Variants in GATA4 observed in about 807,000 individuals in gnomAD.
GATA4 encodes the protein GATA binding protein 4.
GATA4 carries 7 observed loss-of-function variants against 37.9 expected under a neutral mutation model. That is an observed-to-expected ratio of 0.18 (90% confidence interval 0.11 to 0.35). GATA4 has a LOEUF of 0.35. Among genes scored for constraint, GATA4 ranks in the 10% least tolerant of loss-of-function variants. The pLI, the probability that GATA4 is intolerant of heterozygous loss-of-function variation, is 1.00. For synonymous variants in GATA4, 372 were observed against 292.6 expected, an observed-to-expected ratio of 1.27 and a Z score of -2.77; for missense variants, 647 against 653.0, an observed-to-expected ratio of 0.99 and a Z score of 0.10.
chr8:11,743,014 C>G (rs1182250987), intron 2 of GATA4, among the ~76,000 whole-genome samples: 1 of 152,234 alleles, frequency 6.6e-6, no homozygotes, highest in Admixed American at 6.5e-5. Context: ...TGTGTTGTAT[C>G]TCCTTGGCCC....
chr8:11,697,752 C>T (rs1469027610), intron 1 of GATA4: 30 of 985,278 alleles, frequency 3.0e-5, no homozygotes, highest in Non-Finnish European at 3.4e-5. Flanking sequence ...CGCCAGGTCG[C>T]GGCGCCTGCC....
intron 1 of GATA4, chr8:11,694,394 C>G (rs1323072016): frequency 1.4e-6 from 1 of 726,498 alleles, no homozygotes; most frequent in African/African-American, 1.9e-5. Flanking sequence ...AGGCCTTCCT[C>G]TGTAAGGTCA....
At position 11,709,322 on chromosome 8, in the gene GATA4, G is replaced by A. The variant is rs1585598152; in HGVS notation, c.616+394G>A. Among the ~76,000 whole-genome samples, 1 of 152,342 alleles carries A rather than the reference G, an allele frequency of 6.6e-6. No individual in the cohort carries two copies. Among genetic ancestry groups the A allele is most frequent in the Non-Finnish European group, 1.5e-5 (1 of 68,022 alleles). On this transcript the variant is annotated intron_variant, in intron 2 of 6. Transcript: ENST00000532059. This position sits in a 1 kb window ranked among gnomAD's most constrained non-coding sequence, Gnocchi z 4.3. ...GTGCTGGAGATTGCTGAGTTTCTGC[G>A]CCCCTTTCCTCCCCGCCCGCCCTCG...
At chr8:11,701,244 GAAAAA>G (rs56051265), upstream of GATA4, among the ~76,000 whole-genome samples, 118 of 126,388 alleles carry the variant, frequency 9.3e-4, no homozygotes, top group South Asian at 1.5e-3. Flanking sequence ...CAGGTTCTTA[GAAAAA>G]AAAAAAAAAA....
intron 1 of GATA4, among the ~76,000 whole-genome samples, chr8:11,695,416 A>T (rs1004257169): frequency 1.9e-4 from 29 of 152,132 alleles, no homozygotes; most frequent in African/African-American, 6.8e-4. Context: ...CAAAAAAAAA[A>T]TAAATAAAAT....
chr8:11,706,108 A>G (rs1379025094), intron 1 of GATA4: 1 of 152,222 alleles, frequency 6.6e-6, no homozygotes, highest in Admixed American at 6.5e-5. Flanking sequence ...AAAAAAATCT[A>G]TTCTCTAACC....
In GATA4 at chr8:11,708,257, G is replaced by T. The variant is rs984256001; in HGVS notation, c.-56G>T. The T allele has an allele frequency of 3.9e-6, 6 of 1,541,654 alleles. No individual in the cohort carries two copies. The African/African-American group carries it at 8.1e-5, about 21-fold the overall frequency. ...TGCCGTCGTTTTCTCTCCCCGCGTG[G>T]CTCCTTGACCTGCGAGGGAGAGAGA... On this transcript the variant is annotated 5_prime_UTR_variant, in exon 2 of 7. Transcript: ENST00000532059. This position sits in a 1 kb window ranked among gnomAD's most constrained non-coding sequence, Gnocchi z 6.7.
At chr8:11,677,613 C>A (rs1241422884) in intron 1 of GATA4, among the ~76,000 whole-genome samples, 1 of 152,218 alleles carries the variant, frequency 6.6e-6, no homozygotes, top group African/African-American at 2.4e-5. Flanking sequence ...ATGTCAGACC[C>A]AGCCCACTTT....
intron 1 of GATA4, among the ~76,000 whole-genome samples, chr8:11,704,721 G>A (rs560099394): frequency 5.9e-5 from 9 of 152,382 alleles, no homozygotes; most frequent in African/African-American, 2.2e-4. Context: ...GTAGACGGAG[G>A]CTTGTCGCCC....
chr8:11,743,298 A>G (rs890084895), intron 2 of GATA4, among the ~76,000 whole-genome samples: 3 of 152,280 alleles, frequency 2.0e-5, no homozygotes, highest in Non-Finnish European at 2.9e-5. Context: ...GCACTTGGAC[A>G]GGGGCGCGTA....
intron 2 of GATA4, among the ~76,000 whole-genome samples, chr8:11,747,145 C>G (rs1000312771): frequency 6.6e-6 from 1 of 152,244 alleles, no homozygotes; most frequent in African/African-American, 2.4e-5. Flanking sequence ...AAAATCTGCC[C>G]TTGCCTCTGG....
At chr8:11,680,231 G>A (rs557601708) in intron 1 of GATA4, among the ~76,000 whole-genome samples, 19 of 152,336 alleles carry the variant, frequency 1.2e-4, no homozygotes, top group African/African-American at 4.1e-4. Flanking sequence ...TCAATCTTTG[G>A]TGCAAAGCCT....
chr8:11,756,741 G>C (rs1802587067), intron 5 of GATA4, 194 bp from the exon 6 acceptor site: 3 of 696,364 alleles, frequency 4.3e-6, no homozygotes, highest in East Asian at 5.3e-5. Flanking sequence ...GGCCTCAAGG[G>C]TTTGAGATGA....
intron 2 of GATA4, among the ~76,000 whole-genome samples, chr8:11,725,522 T>C (rs1208865143): frequency 6.6e-6 from 1 of 152,210 alleles, no homozygotes. Context: ...TTTTGCCTGG[T>C]TTCCTGTTGG....
intron 1 of GATA4, among the ~76,000 whole-genome samples, chr8:11,696,027 C>T (rs1799498702): frequency 6.6e-6 from 1 of 152,224 alleles, no homozygotes; most frequent in Non-Finnish European, 1.5e-5. Context: ...TGTGGACTCG[C>T]ACTAAAGACA....
In GATA4 at chr8:11,748,907, C is replaced by A. The variant is rs1585684564; in HGVS notation, c.617-9C>A. On this transcript the variant is annotated splice_polypyrimidine_tract_variant and intron_variant, in intron 2 of 6. Transcript: ENST00000532059. The stretch of plus-strand genomic sequence containing the variant: ...CTGTGTCTTTTCTTGTCTGTTCCCC[C>A]CAACTCAGTAGATATGTTTGACGAC... 6.2e-7 allele frequency: 1 copy of A among 1,614,218 alleles called. No homozygotes were observed.
chr8:11,683,505 G>A (rs1799044071), intron 1 of GATA4, among the ~76,000 whole-genome samples: 1 of 152,122 alleles, frequency 6.6e-6, no homozygotes, highest in Admixed American at 6.5e-5. Flanking sequence ...GGCGCGGTTC[G>A]ATTCCAACTT....
At position 11,711,760 on chromosome 8, in the gene GATA4, A is replaced by C. The variant is rs935786648; in HGVS notation, c.616+2832A>C. ...GAGACCCTCTCTCAAAAAAAAAAAA[A>C]AAAAAAAAAAAACCAGTGCATGTGA... On this transcript the variant is annotated intron_variant, in intron 2 of 6. Coordinates refer to ENST00000532059, the MANE Select transcript of GATA4 (RefSeq NM_001308093.3). Among the ~76,000 whole-genome samples the C allele has an allele frequency of 1.2e-3, 181 of 151,966 alleles. 1 individual carries two copies. The highest frequency in any genetic ancestry group is 4.3e-3 in the African/African-American group (179 of 41,454).
At chr8:11,746,319 G>C (rs1323120205) in intron 2 of GATA4, among the ~76,000 whole-genome samples, 1 of 152,146 alleles carries the variant, frequency 6.6e-6, no homozygotes, top group East Asian at 1.9e-4. Flanking sequence ...GCAGTGAGCT[G>C]TGATTGCACC....
Sources: allele counts gnomAD v4.1 joint callset (sites outside exome capture counted in the v4.1 genomes callset), GRCh38; gene constraint gnomAD v4.1.1; non-coding constraint Gnocchi (gnomAD v3.1); transcripts MANE v1.5; gene names NCBI Gene and HGNC (gene_info 2026-07-23, HGNC 2026-07-21).